Variants in ANO10 observed in about 807,000 individuals in gnomAD.
The protein encoded by ANO10 is anoctamin-10.
In ANO10, 77 loss-of-function variants were observed where a neutral mutation model predicts 74.7. The observed-to-expected ratio is 1.03, with a 90% CI of 0.86 to 1.25. The LOEUF (loss-of-function observed/expected upper bound fraction) is 1.25. Ranked by LOEUF, ANO10 falls within the 50% of genes most tolerant of loss-of-function variation. The pLI is 0.00. For synonymous variants in ANO10, 279 were observed against 284.9 expected, an observed-to-expected ratio of 0.98 and a Z score of 0.21; for missense variants, 721 against 778.1, an observed-to-expected ratio of 0.93 and a Z score of 0.87.
intron 1 of ANO10, among the ~76,000 whole-genome samples, chr3:43,669,272 T>C (rs1463647099): frequency 6.6e-6 from 1 of 152,158 alleles, no homozygotes; most frequent in Admixed American, 6.5e-5. Flanking sequence ...CTCCAGTGTA[T>C]TGCAAAATGG....
At chr3:43,466,825 C>T (rs1349278198) in intron 11 of ANO10, among the ~76,000 whole-genome samples, 2 of 152,100 alleles carry the variant, frequency 1.3e-5, no homozygotes, top group Non-Finnish European at 2.9e-5. Context: ...GCACATCATA[C>T]ACTGGGGAAA....
intron 12 of ANO10, among the ~76,000 whole-genome samples, chr3:43,412,929 T>C (rs2092687245): frequency 1.3e-5 from 2 of 152,138 alleles, no homozygotes; most frequent in Non-Finnish European, 2.9e-5. Context: ...CACACGCCTG[T>C]AGTCCCAGCT....
chr3:43,566,510 T>A (rs1353142195), intron 7 of ANO10, among the ~76,000 whole-genome samples: 1 of 151,976 alleles, frequency 6.6e-6, no homozygotes, highest in Non-Finnish European at 1.5e-5. Flanking sequence ...GACTGCCTCT[T>A]CAAGTGGGTC....
In ANO10 at chr3:43,551,767, T is replaced by TAA. The variant is rs537715377; in HGVS notation, c.1669-1921_1669-1920dup. Among the ~76,000 whole-genome samples, 324 of 152,348 alleles carry TAA rather than the reference T, an allele frequency of 2.1e-3. 2 individuals carry two copies. The highest frequency in any genetic ancestry group is 7.2e-3 in the African/African-American group (299 of 41,578). On this transcript the variant is annotated intron_variant, in intron 10 of 12. Coordinates refer to ENST00000292246, the MANE Select transcript of ANO10 (RefSeq NM_018075.5). Reference sequence around the variant, plus strand: ...ATAGTCATTCCTTCTTTCTTTTGATTAATATTTCCATATATATCTTTTTCT... The same window carrying TAA: ...ATAGTCATTCCTTCTTTCTTTTGATTAAAATATTTCCATATATATCTTTTTCT...
chr3:43,522,024 G>C (rs963021625), intron 11 of ANO10, among the ~76,000 whole-genome samples: 2 of 152,138 alleles, frequency 1.3e-5, no homozygotes, highest in African/African-American at 4.8e-5. Flanking sequence ...ATAATGCTAA[G>C]TGAAATAAGC....
At chr3:43,646,662 C>T (rs1337625573) in intron 1 of ANO10, among the ~76,000 whole-genome samples, 1 of 152,170 alleles carries the variant, frequency 6.6e-6, no homozygotes, top group Non-Finnish European at 1.5e-5. Flanking sequence ...CCTGCCACCA[C>T]ACCACGCCCA....
chr3:43,651,786 T>C (rs12488553), intron 1 of ANO10, among the ~76,000 whole-genome samples: 24,720 of 152,110 alleles, frequency 0.16, 3,539 homozygotes, highest in African/African-American at 0.37. Context: ...TGTACCAGTG[T>C]TTTTTAGTGA....
intron 1 of ANO10, among the ~76,000 whole-genome samples, chr3:43,685,805 T>G (rs1361211004): frequency 6.6e-6 from 1 of 152,224 alleles, no homozygotes; most frequent in Non-Finnish European, 1.5e-5. Context: ...TTTCATCACT[T>G]TCTATTTTTT....
At chr3:43,442,802 C>T (rs1401240357) in intron 11 of ANO10, among the ~76,000 whole-genome samples, 1 of 152,200 alleles carries the variant, frequency 6.6e-6, no homozygotes, top group Non-Finnish European at 1.5e-5. Flanking sequence ...ATGGGTGCAG[C>T]TGGGTGCCAA....
rs151245863 is a variant in ANO10, at chr3:43,524,402, G to T, written c.1797+25318C>A. ...CTTTCCCATGTAGATCCTGAGAGCT[G>T]TCTATAAGTGGTAATTGCAGCATGC... On this transcript the variant is annotated intron_variant, in intron 11 of 12. Coordinates refer to ENST00000292246, the MANE Select transcript of ANO10 (RefSeq NM_018075.5). Among the ~76,000 whole-genome samples the T allele has an allele frequency of 1.3e-3, 99 of 75,926 alleles. 2 individuals are homozygous for T. In the South Asian group the frequency reaches 0.023, roughly 18 times the overall value. 49.8% of individuals were successfully genotyped at this position (75,926 alleles called of 152,430 possible). A position where few individuals can be genotyped will look rare whatever the true frequency, so the allele number is the denominator to read the frequency against.
At chr3:43,495,706 A>T (rs28570014) in intron 11 of ANO10, among the ~76,000 whole-genome samples, 78 of 147,844 alleles carry the variant, frequency 5.3e-4, no homozygotes, top group African/African-American at 8.4e-4. Flanking sequence ...TGAAAAAAAA[A>T]TTTTTTTTTT....
chr3:43,574,358 C>T (rs545303836), intron 7 of ANO10, among the ~76,000 whole-genome samples: 9 of 151,668 alleles, frequency 5.9e-5, no homozygotes, highest in Non-Finnish European at 1.2e-4. Flanking sequence ...GCAACCTCCA[C>T]CTCCTGAGTT....
At chr3:43,627,155 G>A (rs1157862264) in intron 1 of ANO10, among the ~76,000 whole-genome samples, 1 of 152,242 alleles carries the variant, frequency 6.6e-6, no homozygotes, top group African/African-American at 2.4e-5. Flanking sequence ...GCCAGTACCA[G>A]ATTCCCAGTT....
intron 1 of ANO10, among the ~76,000 whole-genome samples, chr3:43,633,540 T>C (rs968718080): frequency 2.0e-5 from 3 of 152,218 alleles, no homozygotes; most frequent in African/African-American, 7.2e-5. Context: ...ATTGAAGTAA[T>C]AGAATTCCTC....
intron 12 of ANO10, among the ~76,000 whole-genome samples, chr3:43,385,022 AC>A (rs1009262990): frequency 6.3e-4 from 96 of 152,302 alleles, no homozygotes; most frequent in African/African-American, 2.1e-3. Flanking sequence ...ATCTATATAT[AC>A]AACCAACAAA....
intron 1 of ANO10, among the ~76,000 whole-genome samples, chr3:43,683,386 C>T (rs1269140680): frequency 6.6e-6 from 1 of 152,088 alleles, no homozygotes; most frequent in Admixed American, 6.6e-5. Flanking sequence ...CATGAAGGAC[C>T]TCTTCAAGGA....
At chr3:43,535,311 C>T (rs1415575554) in intron 11 of ANO10, among the ~76,000 whole-genome samples, 2 of 132,986 alleles carry the variant, frequency 1.5e-5, no homozygotes, top group African/African-American at 2.8e-5. Flanking sequence ...AGGTCTCGCT[C>T]TGTCACCAGG....
intron 10 of ANO10, chr3:43,551,636 T>C (rs997280202): frequency 4.4e-6 from 2 of 451,986 alleles, no homozygotes; most frequent in South Asian, 3.1e-5. Flanking sequence ...AAATCACATA[T>C]ACATTTAAGA....
chr3:43,562,322 C>T (rs1018022411), intron 8 of ANO10, among the ~76,000 whole-genome samples: 6 of 151,798 alleles, frequency 4.0e-5, no homozygotes, highest in Non-Finnish European at 5.9e-5. Context: ...CATGGTGGCA[C>T]GTGCCTGTAG....
Sources: allele counts gnomAD v4.1 joint callset (sites outside exome capture counted in the v4.1 genomes callset), GRCh38; gene constraint gnomAD v4.1.1; transcripts MANE v1.5; gene names NCBI Gene and HGNC (gene_info 2026-07-23, HGNC 2026-07-21).